The following COPG2 variants were observed in gnomAD, a reference collection of about 807,000 sequenced individuals.
COPG2 encodes coatomer subunit gamma-2.
COPG2 carries 37 observed loss-of-function variants against 46.3 expected under a neutral mutation model. The ratio of observed to expected loss-of-function variants is 0.80; its 90% CI spans 0.61 to 1.05. COPG2 has a LOEUF of 1.05. Among genes scored for constraint, COPG2 ranks in the 50% least tolerant of loss-of-function variants. COPG2 has a pLI of 0.00. For missense variants in COPG2, 427 were observed against 387.8 expected (o/e 1.10, Z -0.85); for synonymous variants, 159 against 129.7 (o/e 1.23, Z -1.53).
intron 8 of COPG2, among the ~76,000 whole-genome samples, chr7:130,611,640 A>T (rs1474001206): frequency 1.3e-5 from 2 of 152,246 alleles, no homozygotes; most frequent in African/African-American, 4.8e-5. Flanking sequence ...AGTTATAAAC[A>T]TCAAGAGGGC....
chr7:130,557,397 C>T (rs1411435494), intron 12 of COPG2, among the ~76,000 whole-genome samples: 2 of 152,118 alleles, frequency 1.3e-5, no homozygotes, highest in Non-Finnish European at 2.9e-5. Flanking sequence ...TAGGATGTTC[C>T]AACATCATCA....
intron 9 of COPG2, among the ~76,000 whole-genome samples, chr7:130,574,762 C>T (rs1793974493): frequency 6.6e-6 from 1 of 151,878 alleles, no homozygotes; most frequent in Non-Finnish European, 1.5e-5. Context: ...CAGAGAGGCA[C>T]CAGAGAAAGG....
chr7:130,644,371 C>T (rs797044292), intron 5 of COPG2, among the ~76,000 whole-genome samples: 3 of 152,286 alleles, frequency 2.0e-5, no homozygotes, highest in African/African-American at 7.2e-5. Flanking sequence ...ACTTTGAACA[C>T]TCTTCAGACC....
chr7:130,613,378 C>T (rs1794890815), intron 7 of COPG2, among the ~76,000 whole-genome samples, 166 bp downstream of exon 7: 1 of 152,182 alleles, frequency 6.6e-6, no homozygotes, highest in African/African-American at 2.4e-5. Context: ...GGTCTGAAGC[C>T]CTGGGGTGGG....
At chr7:130,633,097 G>A (rs1190072586) in intron 5 of COPG2, among the ~76,000 whole-genome samples, 2 of 152,144 alleles carry the variant, frequency 1.3e-5, no homozygotes, top group African/African-American at 4.8e-5. Context: ...TGGCTGCATA[G>A]TATTACATGG....
At chr7:130,508,211 A>G in intron 21 of COPG2, 1 of 248,992 alleles carries the variant, frequency 4.0e-6, no homozygotes, top group Non-Finnish European at 7.7e-6. Context: ...TGCTGAAGCA[A>G]AAACAAAAAA....
intron 5 of COPG2, among the ~76,000 whole-genome samples, chr7:130,621,587 T>C (rs1409895103): frequency 2.0e-5 from 3 of 152,130 alleles, no homozygotes; most frequent in Non-Finnish European, 2.9e-5. Context: ...GGCGGGTGGA[T>C]CACTTGAGGT....
intron 5 of COPG2, among the ~76,000 whole-genome samples, chr7:130,629,297 T>C (rs1216828164): frequency 2.6e-5 from 4 of 152,040 alleles, no homozygotes; most frequent in Non-Finnish European, 5.9e-5. Context: ...TTTCTGGACA[T>C]GCATTTTGTT....
intron 5 of COPG2, among the ~76,000 whole-genome samples, chr7:130,623,787 A>G (rs1284910857): frequency 1.3e-5 from 2 of 152,152 alleles, no homozygotes; most frequent in African/African-American, 2.4e-5. Flanking sequence ...GAGTTTGAGG[A>G]CAGCCTGGGC....
intron 20 of COPG2, among the ~76,000 whole-genome samples, chr7:130,525,527 A>G (rs1799765258): frequency 6.6e-6 from 1 of 152,178 alleles, no homozygotes; most frequent in Non-Finnish European, 1.5e-5. Flanking sequence ...TGTGGGTAGA[A>G]AGATGCTTGC....
intron 5 of COPG2, among the ~76,000 whole-genome samples, chr7:130,620,303 A>G (rs1554453443): frequency 3.9e-5 from 6 of 152,130 alleles, no homozygotes. Context: ...CCTGCCCTCA[A>G]CAAGCATACA....
chr7:130,625,418 C>G (rs538210865), intron 5 of COPG2, among the ~76,000 whole-genome samples: 1 of 152,082 alleles, frequency 6.6e-6, no homozygotes, highest in South Asian at 2.1e-4. Flanking sequence ...TTGCTAAATA[C>G]CTCCAGCACA....
At chr7:130,620,800 A>T (rs1795026810) in intron 5 of COPG2, among the ~76,000 whole-genome samples, 1 of 152,158 alleles carries the variant, frequency 6.6e-6, no homozygotes, top group African/African-American at 2.4e-5. Flanking sequence ...ATGGGTTTAG[A>T]TTTTGGAAGA....
In COPG2 at chr7:130,640,161, T is replaced by C. The variant is rs1795436840; in HGVS notation, c.323+12708A>G. Among the ~76,000 whole-genome samples the C allele has an allele frequency of 4.3e-5, 4 of 92,742 alleles. No individual in the cohort carries two copies. The South Asian group carries it at 1.6e-3, about 37-fold the overall frequency. The allele number at this position is 92,742 out of a possible 152,430, so 60.8% of individuals were successfully genotyped here. A position where few individuals can be genotyped will look rare whatever the true frequency, so the allele number is the denominator to read the frequency against. On this transcript the variant is annotated intron_variant, in intron 5 of 23. Transcript: ENST00000425248. ...CCAGCTTGCAGTCACCACCAACCTT[T>C]TTTTTTTTTTTTTTTTTTTTGTAAA...
chr7:130,519,878 C>A (rs1245543909), intron 20 of COPG2, among the ~76,000 whole-genome samples: 3 of 152,132 alleles, frequency 2.0e-5, no homozygotes, highest in Non-Finnish European at 4.4e-5. Context: ...GAGAAAAGAT[C>A]AGGAGTCTGA....
chr7:130,577,461 C>T (rs1339279288), intron 9 of COPG2, among the ~76,000 whole-genome samples: 5 of 152,120 alleles, frequency 3.3e-5, no homozygotes, highest in Non-Finnish European at 5.9e-5. Context: ...CTTTTCCGAC[C>T]GGCTTAAAAA....
intron 9 of COPG2, among the ~76,000 whole-genome samples, chr7:130,588,108 A>G (rs373608249): frequency 0.73 from 108,995 of 148,434 alleles, 40,228 homozygotes; most frequent in Non-Finnish European, 0.79. Context: ...ACCATCTCAC[A>G]ACAGTTAGAA....
intron 9 of COPG2, among the ~76,000 whole-genome samples, chr7:130,570,334 C>G (rs1309675972): frequency 6.6e-6 from 1 of 152,138 alleles, no homozygotes; most frequent in African/African-American, 2.4e-5. Flanking sequence ...GCTCCTAGAT[C>G]TGATAAATGA....
chr7:130,571,957 T>C (rs557917609), intron 9 of COPG2, among the ~76,000 whole-genome samples: 19 of 152,150 alleles, frequency 1.2e-4, no homozygotes, highest in African/African-American at 2.9e-4. Context: ...CAGGGTGCAG[T>C]TGGAGACCAT....
Sources: gnomAD v4.1 joint callset for allele counts (sites outside exome capture counted in the v4.1 genomes callset) on GRCh38, gnomAD v4.1.1 for gene constraint, MANE v1.5 for transcripts, NCBI Gene and HGNC (gene_info 2026-07-23, HGNC 2026-07-21) for gene names.